The following YAP1 variants were observed in gnomAD, a reference collection of about 807,000 sequenced individuals.
The protein encoded by YAP1 is transcriptional coactivator YAP1.
A neutral mutation model predicts 56.9 loss-of-function variants in YAP1; 5 were observed. The observed-to-expected ratio is 0.09, with a 90% CI of 0.05 to 0.18. The LOEUF (loss-of-function observed/expected upper bound fraction) is 0.18, where lower values mean the gene tolerates loss of function less well. Ranked by LOEUF, YAP1 falls within the 10% of genes least tolerant of loss-of-function variation. YAP1 has a pLI of 1.00. For synonymous variants in YAP1, 265 were observed against 248.1 expected, an observed-to-expected ratio of 1.07 and a Z score of -0.64; for missense variants, 539 against 651.8, an observed-to-expected ratio of 0.83 and a Z score of 1.88.
chr11:102,188,833 A>G (rs532164726), intron 4 of YAP1, among the ~76,000 whole-genome samples: 19 of 152,360 alleles, frequency 1.2e-4, no homozygotes, highest in East Asian at 1.9e-4. Flanking sequence ...TATAGTATCA[A>G]TCCTTCACAT....
intron 2 of YAP1, among the ~76,000 whole-genome samples, chr11:102,136,421 A>G (rs1565445061): frequency 2.7e-5 from 4 of 150,764 alleles, no homozygotes; most frequent in Admixed American, 2.6e-4. Flanking sequence ...GCTCACTGCA[A>G]CCTCCATCTC....
chr11:102,137,682 A>G (rs190491977), intron 2 of YAP1, among the ~76,000 whole-genome samples: 5 of 152,146 alleles, frequency 3.3e-5, no homozygotes, highest in Admixed American at 6.5e-5. Flanking sequence ...TATTGAAACT[A>G]TTAGCACACA....
chr11:102,199,500 T>G (rs1388301441), intron 4 of YAP1, among the ~76,000 whole-genome samples: 1 of 152,220 alleles, frequency 6.6e-6, no homozygotes, highest in Admixed American at 6.5e-5. Flanking sequence ...TTACTTTTTA[T>G]AAAGCCATTT....
chr11:102,216,601 A>G (rs910294598), intron 6 of YAP1, among the ~76,000 whole-genome samples: 13 of 152,300 alleles, frequency 8.5e-5, no homozygotes, highest in Admixed American at 2.6e-4. Context: ...GTCCTGAGCC[A>G]TAAGCCTTGG....
intron 4 of YAP1, among the ~76,000 whole-genome samples, chr11:102,199,960 A>T (rs570464330): frequency 6.6e-6 from 1 of 152,246 alleles, no homozygotes; most frequent in Admixed American, 6.5e-5. Context: ...CCTCAATGCA[A>T]CTAAATTTAA....
At chr11:102,192,914 A>G (rs897281845) in intron 4 of YAP1, among the ~76,000 whole-genome samples, 14 of 152,222 alleles carry the variant, frequency 9.2e-5, no homozygotes, top group Non-Finnish European at 1.9e-4. Flanking sequence ...TGTCCAGGCA[A>G]ACAAATCTGA....
rs146942526 is a variant in YAP1, at chr11:102,226,797, C to T, written c.1164-672C>T. 5.5e-3 allele frequency among the ~76,000 whole-genome samples: 834 copies of T among 152,208 alleles called. 11 individuals carry two copies. The highest frequency in any genetic ancestry group is 0.019 in the African/African-American group (793 of 41,522). ...AGCTATATGATTTCCCGTTTCGTTT[C>T]GTACTGAAGTGTTTGAGGCTTTTTC... On this transcript the variant is annotated intron_variant, in intron 7 of 8. Transcript: ENST00000282441.
chr11:102,135,088 T>C (rs1944597472), intron 2 of YAP1, among the ~76,000 whole-genome samples: 2 of 152,136 alleles, frequency 1.3e-5, no homozygotes, highest in Non-Finnish European at 2.9e-5. Flanking sequence ...AGGCTGGTCT[T>C]GAACTCCTGA....
At chr11:102,143,196 CTA>C (rs1945117690) in intron 2 of YAP1, among the ~76,000 whole-genome samples, 1 of 152,064 alleles carries the variant, frequency 6.6e-6, no homozygotes, top group South Asian at 2.1e-4. Flanking sequence ...GAAATATAGA[CTA>C]TATTGCGTTT....
intron 2 of YAP1, among the ~76,000 whole-genome samples, chr11:102,118,284 G>GT (rs1399664928): frequency 6.6e-6 from 1 of 152,060 alleles, no homozygotes; most frequent in Non-Finnish European, 1.5e-5. Flanking sequence ...AAGATTCAAG[G>GT]TTTTTTGTGG....
intron 2 of YAP1, among the ~76,000 whole-genome samples, chr11:102,124,095 G>T (rs1404071333): frequency 6.6e-6 from 1 of 152,014 alleles, no homozygotes; most frequent in African/African-American, 2.4e-5. Context: ...GGGATTACAG[G>T]CGTGTGCCAC....
chr11:102,182,357 T>G (rs1947676687), intron 3 of YAP1, among the ~76,000 whole-genome samples: 1 of 152,264 alleles, frequency 6.6e-6, no homozygotes, highest in Non-Finnish European at 1.5e-5. Context: ...CATTTATTTT[T>G]GTGGTAATCC....
chr11:102,210,099 C>A (rs888281490), intron 6 of YAP1, among the ~76,000 whole-genome samples: 12 of 152,102 alleles, frequency 7.9e-5, no homozygotes, highest in Non-Finnish European at 1.8e-4. Context: ...TGGCTTTTAT[C>A]AGCATTCTCT....
Position 102,114,311 on chromosome 11 carries a change from T to G in YAP1, c.489T>G (p.Ser163=), listed in dbSNP as rs201182166. 6 of 1,614,166 alleles carry G rather than the reference T, an allele frequency of 3.7e-6. No individual in the cohort carries two copies. Among genetic ancestry groups the G allele is most frequent in the Non-Finnish European group, 4.2e-6 (5 of 1,180,014 alleles). Residue 163 remains serine (S), a synonymous_variant, in exon 2 of 9, where the codon TCT becomes TCG. Transcript: ENST00000282441. ...CCACAGCTCAGCATCTTCGACAGTC[T>G]TCTTTTGAGATACCTGATGATGTAC... ...ATPTAQHLRQ[S]SFEIPDDVPL...
intron 6 of YAP1, among the ~76,000 whole-genome samples, chr11:102,214,109 C>T (rs891372010): frequency 3.9e-5 from 6 of 152,028 alleles, no homozygotes; most frequent in Non-Finnish European, 7.4e-5. Context: ...CTTGAAACTA[C>T]CCAGAAATAA....
intron 4 of YAP1, among the ~76,000 whole-genome samples, chr11:102,201,007 G>A (rs898540712): frequency 1.3e-5 from 2 of 152,144 alleles, no homozygotes; most frequent in Non-Finnish European, 2.9e-5. Flanking sequence ...GGGCGGTGGT[G>A]TAAATTTGGC....
At chr11:102,208,581 T>G (rs553995732) in intron 5 of YAP1, among the ~76,000 whole-genome samples, 2 of 152,294 alleles carry the variant, frequency 1.3e-5, no homozygotes, top group South Asian at 4.2e-4. Context: ...TCGTCTACTA[T>G]TGTTAGAACA....
At chr11:102,194,485 GATTT>G (rs1395927105) in intron 4 of YAP1, among the ~76,000 whole-genome samples, 5 of 152,134 alleles carry the variant, frequency 3.3e-5, no homozygotes, top group African/African-American at 9.7e-5. Flanking sequence ...ACTATTTTAG[GATTT>G]ATTTATTTAT....
At chr11:102,139,428 CTG>C (rs1161510720) in intron 2 of YAP1, among the ~76,000 whole-genome samples, 1 of 152,158 alleles carries the variant, frequency 6.6e-6, no homozygotes, top group Non-Finnish European at 1.5e-5. Flanking sequence ...ATCCTGCAGT[CTG>C]TGTGGAGTGA....
Sources: allele counts gnomAD v4.1 joint callset (sites outside exome capture counted in the v4.1 genomes callset), GRCh38; gene constraint gnomAD v4.1.1; transcripts MANE v1.5; gene names NCBI Gene and HGNC (gene_info 2026-07-23, HGNC 2026-07-21).